Variants in SAMMSON observed in about 807,000 individuals in gnomAD.
SAMMSON encodes the protein long intergenic non-protein coding RNA 1212.
chr3:70,269,733 T>TA lies in SAMMSON; in HGVS notation n.674+20069dup, dbSNP rs1449030711. 2.0e-5 allele frequency among the ~76,000 whole-genome samples: 3 copies of TA among 152,086 alleles called. No individual in the cohort carries two copies. The East Asian group carries it at 5.8e-4, about 29-fold the overall frequency. ...CTAGGAATTAATGACAAAACTGTTTTAAAAAATGCCTAGTCTATTGAATGT... is the reference window on the plus strand; with the variant it reads ...CTAGGAATTAATGACAAAACTGTTTTAAAAAAATGCCTAGTCTATTGAATGT... On this transcript the variant is annotated intron_variant and non_coding_transcript_variant, in intron 6 of 9. Coordinates refer to ENST00000642114, the Ensembl canonical transcript of SAMMSON.
intron 4 of SAMMSON, among the ~76,000 whole-genome samples, chr3:70,097,770 A>G (rs1423522905): frequency 6.6e-6 from 1 of 152,210 alleles, no homozygotes; most frequent in African/African-American, 2.4e-5. Context: ...GTTACTCGCA[A>G]TCATTTAAAA....
intron 9 of SAMMSON, among the ~76,000 whole-genome samples, chr3:70,383,346 A>AT (rs1323403125): frequency 2.7e-5 from 3 of 109,408 alleles, no homozygotes; most frequent in African/African-American, 1.0e-4. Context: ...TAAAATAAAA[A>AT]TAAAAAAAAA....
chr3:70,200,992 C>T (rs1313585584), intron 4 of SAMMSON, among the ~76,000 whole-genome samples: 2 of 151,544 alleles, frequency 1.3e-5, no homozygotes, highest in East Asian at 1.9e-4. Context: ...CATTTCTCTT[C>T]TCCTTCTATA....
chr3:70,318,137 G>A (rs1405479759), intron 7 of SAMMSON, among the ~76,000 whole-genome samples: 2 of 151,618 alleles, frequency 1.3e-5, no homozygotes, highest in Non-Finnish European at 2.9e-5. Context: ...TGAGATTCTG[G>A]GTTTGGTAAG....
chr3:70,017,842 C>T (rs2066992756), intron 3 of SAMMSON, among the ~76,000 whole-genome samples: 2 of 152,084 alleles, frequency 1.3e-5, no homozygotes, highest in East Asian at 1.9e-4. Flanking sequence ...TTGAGATAAT[C>T]ATGTGGTTTT....
chr3:70,423,835 G>A (rs926152700), intron 2 of SAMMSON, among the ~76,000 whole-genome samples: 1 of 152,088 alleles, frequency 6.6e-6, no homozygotes, highest in Admixed American at 6.6e-5. Context: ...ACTGATTTGT[G>A]TCATAAAATA....
intron 2 of SAMMSON, among the ~76,000 whole-genome samples, chr3:70,416,266 T>G (rs74877914): frequency 4.1e-4 from 63 of 152,336 alleles, no homozygotes; most frequent in Non-Finnish European, 7.5e-4. Flanking sequence ...AAATAGCTTC[T>G]TAATAATTTC....
chr3:70,294,292 C>T (rs139901085), intron 7 of SAMMSON, among the ~76,000 whole-genome samples: 504 of 152,118 alleles, frequency 3.3e-3, no homozygotes, highest in Non-Finnish European at 4.4e-3. Context: ...GCTAATGAAA[C>T]CTGTTCACCC....
chr3:70,192,424 A>G (rs1003748096), intron 4 of SAMMSON, among the ~76,000 whole-genome samples: 1 of 152,158 alleles, frequency 6.6e-6, no homozygotes, highest in African/African-American at 2.4e-5. Flanking sequence ...GTCCAGGGCC[A>G]TGGGCCCTGT....
intron 2 of SAMMSON, among the ~76,000 whole-genome samples, chr3:70,430,799 T>C (rs1288013407): frequency 6.6e-6 from 1 of 152,164 alleles, no homozygotes; most frequent in East Asian, 1.9e-4. Context: ...ATGTATACTA[T>C]AGGATATAGT....
chr3:70,291,356 G>C (rs924984838), intron 7 of SAMMSON: 1 of 151,910 alleles, frequency 6.6e-6, no homozygotes, highest in Non-Finnish European at 1.5e-5. Flanking sequence ...TAACTCTTTA[G>C]AACAGTGTTA....
intron 7 of SAMMSON, among the ~76,000 whole-genome samples, chr3:70,310,127 A>T (rs560498066): frequency 6.6e-6 from 1 of 152,212 alleles, no homozygotes; most frequent in East Asian, 1.9e-4. Context: ...TTCCTTCTAC[A>T]TTGTTTTTAA....
chr3:70,267,853 T>G (rs532675243), intron 6 of SAMMSON, among the ~76,000 whole-genome samples: 19 of 152,278 alleles, frequency 1.2e-4, no homozygotes, highest in African/African-American at 4.6e-4. Flanking sequence ...TACTAATATA[T>G]CCAGATAACT....
chr3:70,180,716 C>T (rs1022398084), intron 4 of SAMMSON, among the ~76,000 whole-genome samples: 8 of 152,108 alleles, frequency 5.3e-5, no homozygotes, highest in African/African-American at 1.9e-4. Context: ...TTTAGTCTTC[C>T]AAAAATATTA....
chr3:70,339,810 T>C (rs1702696548), intron 7 of SAMMSON, among the ~76,000 whole-genome samples: 1 of 152,186 alleles, frequency 6.6e-6, no homozygotes, highest in African/African-American at 2.4e-5. Context: ...TTGGTGGGAC[T>C]GCAAACTAGT....
Position 70,234,301 on chromosome 3 carries a change from A to G in SAMMSON, n.508-14806A>G, listed in dbSNP as rs1277694986. On this transcript the variant is annotated intron_variant and non_coding_transcript_variant, in intron 4 of 9. Transcript: ENST00000642114. Reference sequence around the variant, plus strand: ...AACTCATGTTTATTGAACATCTACTATATGCTAGGCACTCTGATGAGGTTT... The same window carrying G: ...AACTCATGTTTATTGAACATCTACTGTATGCTAGGCACTCTGATGAGGTTT... 2.0e-5 allele frequency among the ~76,000 whole-genome samples: 3 copies of G among 152,280 alleles called. No individual in the cohort carries two copies. The East Asian group carries it at 5.8e-4, about 29-fold the overall frequency.
chr3:70,231,108 G>A (rs1024948002), intron 4 of SAMMSON, among the ~76,000 whole-genome samples: 1 of 152,168 alleles, frequency 6.6e-6, no homozygotes, highest in Non-Finnish European at 1.5e-5. Flanking sequence ...AATTGTAAAT[G>A]TATTAAAAAC....
intron 2 of SAMMSON, among the ~76,000 whole-genome samples, chr3:70,421,802 T>C (rs1334718487): frequency 6.6e-6 from 1 of 152,108 alleles, no homozygotes; most frequent in Admixed American, 6.5e-5. Context: ...TTAGCATGGG[T>C]AAATGAGAAA....
At chr3:70,274,767 A>C (rs1033593322) in intron 6 of SAMMSON, among the ~76,000 whole-genome samples, 1 of 152,200 alleles carries the variant, frequency 6.6e-6, no homozygotes, top group Non-Finnish European at 1.5e-5. Flanking sequence ...AACAAATATA[A>C]AAATATTTTA....
Sources: gnomAD v4.1 joint callset for allele counts (sites outside exome capture counted in the v4.1 genomes callset) on GRCh38, gnomAD v4.1.1 for gene constraint, MANE v1.5 for transcripts, NCBI Gene and HGNC (gene_info 2026-07-23, HGNC 2026-07-21) for gene names.